PLCB1: variants seen among roughly 807,000 people sequenced by gnomAD.
The protein encoded by PLCB1 is phospholipase C beta 1.
In PLCB1, 46 loss-of-function variants were observed where a neutral mutation model predicts 161.8. The ratio of observed to expected loss-of-function variants is 0.28; its 90% CI spans 0.22 to 0.36. The LOEUF is 0.36. Ranked by LOEUF, PLCB1 falls within the 10% of genes least tolerant of loss-of-function variation. PLCB1 has a pLI of 1.00. For synonymous variants in PLCB1, 517 were observed against 503.7 expected (o/e 1.03, Z -0.35); for missense variants, 1,016 against 1,472.5 (o/e 0.69, Z 5.07).
chr20:8,799,290 G>A (rs945753783), intron 31 of PLCB1, among the ~76,000 whole-genome samples: 5 of 152,122 alleles, frequency 3.3e-5, no homozygotes. Flanking sequence ...GGGGTTCAGC[G>A]TCTTCCCAGC....
chr20:8,302,915 G>A (rs985346622), intron 2 of PLCB1, among the ~76,000 whole-genome samples: 14 of 152,106 alleles, frequency 9.2e-5, no homozygotes, highest in African/African-American at 3.1e-4. Flanking sequence ...GATGGTGGAA[G>A]ACAGTCTTGA....
chr20:8,855,737 G>A (rs1398594484), intron 31 of PLCB1, among the ~76,000 whole-genome samples: 2 of 152,002 alleles, frequency 1.3e-5, no homozygotes, highest in Non-Finnish European at 2.9e-5. Flanking sequence ...CCATAAGGGG[G>A]GAAAACTACC....
At chr20:8,385,375 G>GCC (rs1464174078) in intron 3 of PLCB1, among the ~76,000 whole-genome samples, 45 of 152,308 alleles carry the variant, frequency 3.0e-4, no homozygotes, top group Middle Eastern at 6.8e-3. Context: ...AGCCTTCCTG[G>GCC]CCCCAGGAGA....
At chr20:8,502,629 T>G (rs1377959580) in intron 3 of PLCB1, among the ~76,000 whole-genome samples, 5 of 152,192 alleles carry the variant, frequency 3.3e-5, no homozygotes, top group Non-Finnish European at 7.4e-5. Context: ...GTTTGCTGAT[T>G]GGTAAATTGG....
intron 3 of PLCB1, among the ~76,000 whole-genome samples, chr20:8,463,222 T>C (rs1284355584): frequency 6.6e-6 from 1 of 151,710 alleles, no homozygotes; most frequent in African/African-American, 2.4e-5. Context: ...TTTAATTATA[T>C]ATTGAAGATA....
chr20:8,142,774 A>G (rs1481022731), intron 1 of PLCB1, among the ~76,000 whole-genome samples: 6 of 152,250 alleles, frequency 3.9e-5, no homozygotes, highest in Non-Finnish European at 8.8e-5. Context: ...GTAACAAGAC[A>G]TAGTTCTAAA....
At position 8,583,425 on chromosome 20, in the gene PLCB1, A is replaced by G. The variant is rs74274843; in HGVS notation, c.247-44869A>G. 2.9e-4 allele frequency among the ~76,000 whole-genome samples: 44 copies of G among 152,390 alleles called. No individual in the cohort carries two copies. The East Asian group carries it at 7.5e-3, about 26-fold the overall frequency. Reference sequence around the variant, plus strand: ...AAATAGTTTTTTTAAAAAACATAAAATACAAAATAAATAAATTATTTAAAA... The same window carrying G: ...AAATAGTTTTTTTAAAAAACATAAAGTACAAAATAAATAAATTATTTAAAA... On this transcript the variant is annotated intron_variant, in intron 3 of 31. Transcript: ENST00000338037.
chr20:8,551,795 C>T (rs938954025), intron 3 of PLCB1, among the ~76,000 whole-genome samples: 5 of 152,218 alleles, frequency 3.3e-5, no homozygotes, highest in Middle Eastern at 3.4e-3. Flanking sequence ...CTCTTCTACC[C>T]GTATTTTCTC....
At chr20:8,449,597 G>T (rs749633733) in intron 3 of PLCB1, among the ~76,000 whole-genome samples, 9 of 152,298 alleles carry the variant, frequency 5.9e-5, no homozygotes, top group Middle Eastern at 3.4e-3. Context: ...GACCCTCATT[G>T]TCCCGAAGGA....
intron 2 of PLCB1, among the ~76,000 whole-genome samples, chr20:8,333,138 C>T (rs994086655): frequency 6.6e-6 from 1 of 152,150 alleles, no homozygotes; most frequent in Non-Finnish European, 1.5e-5. Context: ...TTTCCCCAGT[C>T]CCTGATTGAA....
chr20:8,733,470 C>A, intron 19 of PLCB1, 78 bp downstream of exon 19: 1 of 1,255,498 alleles, frequency 8.0e-7, no homozygotes, highest in Non-Finnish European at 1.1e-6. Context: ...GTGGCTTAGT[C>A]ATTAAAAATT....
chr20:8,787,017 T>C (rs1004949098), intron 27 of PLCB1, among the ~76,000 whole-genome samples: 2 of 152,192 alleles, frequency 1.3e-5, no homozygotes, highest in East Asian at 1.9e-4. Flanking sequence ...TGTGAATCTT[T>C]TAAAACTAGG....
In PLCB1 at chr20:8,698,282, G is replaced by A. The variant is rs528844490; in HGVS notation, c.1167+499G>A. Among the ~76,000 whole-genome samples, 4 of 152,216 alleles carry A rather than the reference G, an allele frequency of 2.6e-5. No individual in the cohort carries two copies. In the East Asian group the frequency reaches 5.8e-4, roughly 22 times the overall value. On this transcript the variant is annotated intron_variant, in intron 11 of 31. Coordinates refer to ENST00000338037, the MANE Select transcript of PLCB1 (RefSeq NM_015192.4). ...ACTATTACAGTGGTCCCTACTTTGC[G>A]CTTCTTTAGAGCACAAAGTACAAAT...
chr20:8,161,116 T>C (rs2051617561), intron 2 of PLCB1, among the ~76,000 whole-genome samples: 1 of 151,990 alleles, frequency 6.6e-6, no homozygotes, highest in African/African-American at 2.4e-5. Flanking sequence ...CCAGACACAA[T>C]TCTAATAATA....
rs1422506849 is a variant in PLCB1, at chr20:8,649,318, G to T, written c.519-56G>T. On this transcript the variant is annotated intron_variant, in intron 6 of 31. Transcript: ENST00000338037. ...TATTTTGAGTTGGCATCATCTGTTA[G>T]TGCTGTGATCCATGTGCCATTTAAA... The T allele has an allele frequency of 2.8e-6, 3 of 1,074,448 alleles. No homozygotes were observed. The East Asian group carries it at 7.1e-5, about 25-fold the overall frequency. 66.6% of individuals were successfully genotyped at this position (1,074,448 alleles called of 1,614,324 possible).
At chr20:8,470,146 A>C (rs1423687340) in intron 3 of PLCB1, among the ~76,000 whole-genome samples, 1 of 152,186 alleles carries the variant, frequency 6.6e-6, no homozygotes, top group Non-Finnish European at 1.5e-5. Flanking sequence ...AATTGAATGA[A>C]TATGCCACAT....
chr20:8,568,462 T>A (rs1986410235), intron 3 of PLCB1, among the ~76,000 whole-genome samples: 1 of 152,148 alleles, frequency 6.6e-6, no homozygotes, highest in Non-Finnish European at 1.5e-5. Context: ...CTCCATGAAG[T>A]ACCCCACAGA....
rs776777689 is a variant in PLCB1, at chr20:8,708,769, T to A, written c.1250+17T>A. On this transcript the variant is annotated intron_variant, in intron 12 of 31. Transcript: ENST00000338037. Reference sequence around the variant, plus strand: ...TGTGGATTCGTAAGTATTCAACACATTCAGGAATGAGTCTTTTTCCCGAAT... The same window carrying A: ...TGTGGATTCGTAAGTATTCAACACAATCAGGAATGAGTCTTTTTCCCGAAT... 7.8e-5 allele frequency: 118 copies of A among 1,512,906 alleles called. No individual in the cohort carries two copies. In the South Asian group the frequency reaches 1.3e-3, roughly 16 times the overall value. 93.7% of individuals were successfully genotyped at this position (1,512,906 alleles called of 1,614,324 possible).
intron 27 of PLCB1, among the ~76,000 whole-genome samples, chr20:8,777,560 A>AATACAAAAATTAGC (rs1282684363): frequency 1.3e-5 from 2 of 152,088 alleles, no homozygotes; most frequent in East Asian, 3.9e-4. Flanking sequence ...CTCTACTAAA[A>AATACAAAAATTAGC]ATACAAAAAT....
Sources: gnomAD v4.1 joint callset for allele counts (sites outside exome capture counted in the v4.1 genomes callset) on GRCh38, gnomAD v4.1.1 for gene constraint, MANE v1.5 for transcripts, NCBI Gene and HGNC (gene_info 2026-07-23, HGNC 2026-07-21) for gene names.